The following TRIM14 variants were observed in gnomAD, a reference collection of about 807,000 sequenced individuals.
TRIM14 encodes the protein tripartite motif-containing protein 14.
A neutral mutation model predicts 44.5 loss-of-function variants in TRIM14; 28 were observed. The observed-to-expected ratio is 0.63, with a 90% CI of 0.47 to 0.86. The LOEUF (loss-of-function observed/expected upper bound fraction) is 0.86. TRIM14 is among the 40% of genes least tolerant of loss of function. The pLI, the probability that TRIM14 is intolerant of heterozygous loss-of-function variation, is 0.00. For missense variants in TRIM14, 607 were observed against 611.1 expected (o/e 0.99, Z 0.07); for synonymous variants, 299 against 269.2 (o/e 1.11, Z -1.08).
the TRIM14 span, among the ~76,000 whole-genome samples, chr9:98,051,659 G>C: frequency 3.9e-5 from 6 of 152,106 alleles, no homozygotes; most frequent in Admixed American, 3.9e-4. Context: ...CCATGATGTG[G>C]GTTAAGAGGA....
chr9:98,041,658 A>ATTTTGTT, the TRIM14 span, among the ~76,000 whole-genome samples: 22 of 150,786 alleles, frequency 1.5e-4, no homozygotes, highest in Non-Finnish European at 2.4e-4. Flanking sequence ...CGCCAGGCTA[A>ATTTTGTT]TTTTGTTTTT....
At chr9:98,113,296 T>C (rs1020705869) in intron 1 of TRIM14, among the ~76,000 whole-genome samples, 4 of 152,154 alleles carry the variant, frequency 2.6e-5, no homozygotes, top group Non-Finnish European at 5.9e-5. Context: ...TCGATTATCT[T>C]ATCTTGTGTA....
the TRIM14 span, among the ~76,000 whole-genome samples, chr9:98,063,274 C>T: frequency 2.6e-5 from 4 of 151,888 alleles, no homozygotes; most frequent in Non-Finnish European, 4.4e-5. Context: ...GACAGAGTCT[C>T]ACTGTCTCCC....
At chr9:98,115,781 A>G (rs1193926211) in intron 1 of TRIM14, 1 of 152,246 alleles carries the variant, frequency 6.6e-6, no homozygotes, top group African/African-American at 2.4e-5. Context: ...AGACACTGGT[A>G]ATTTTACCAA....
intron 6 of TRIM14, among the ~76,000 whole-genome samples, chr9:98,078,633 C>T (rs574341782): frequency 2.4e-4 from 36 of 151,758 alleles, no homozygotes; most frequent in African/African-American, 7.7e-4. Flanking sequence ...GTCAGGAGTT[C>T]GAGACTAGCC....
chr9:98,061,969 C>T, the TRIM14 span, among the ~76,000 whole-genome samples: 1 of 151,808 alleles, frequency 6.6e-6, no homozygotes, highest in Non-Finnish European at 1.5e-5. Context: ...CACCTGTAAT[C>T]CCAGAGCTTT....
intron 2 of TRIM14, among the ~76,000 whole-genome samples, chr9:98,107,860 G>T (rs1039010381): frequency 1.3e-5 from 2 of 151,936 alleles, no homozygotes; most frequent in East Asian, 3.9e-4. Context: ...TAGAGATGGG[G>T]TTTCAACATG....
intron 1 of TRIM14, among the ~76,000 whole-genome samples, chr9:98,115,720 T>C (rs1041134942): frequency 6.6e-6 from 1 of 152,212 alleles, no homozygotes; most frequent in Admixed American, 6.5e-5. Context: ...AATATAGTTA[T>C]TTGCATAAGT....
the TRIM14 span, chr9:98,056,801 C>T: frequency 6.2e-7 from 1 of 1,610,906 alleles, no homozygotes; most frequent in South Asian, 1.1e-5. Flanking sequence ...GGACCCCGAG[C>T]CGCTGCAATG....
the TRIM14 span, chr9:98,056,974 G>C: frequency 1.3e-6 from 2 of 1,544,136 alleles, no homozygotes; most frequent in Non-Finnish European, 1.7e-6. Flanking sequence ...CGGGATTCGG[G>C]CGCCGGGAGG....
the TRIM14 span, among the ~76,000 whole-genome samples, chr9:98,053,675 A>C: frequency 6.6e-6 from 1 of 152,102 alleles, no homozygotes; most frequent in South Asian, 2.1e-4. Flanking sequence ...AAGTTGGCTA[A>C]TAAGTTGTTA....
At chr9:98,107,239 A>G (rs1012471257) in intron 2 of TRIM14, among the ~76,000 whole-genome samples, 4 of 152,228 alleles carry the variant, frequency 2.6e-5, no homozygotes, top group African/African-American at 4.8e-5. Context: ...AGTTTCTTAA[A>G]AAACAAAACA....
At chr9:98,077,020 A>G in intron 6 of TRIM14, 1 of 1,600,566 alleles carries the variant, frequency 6.2e-7, no homozygotes, top group South Asian at 1.1e-5. Context: ...CAAAAAAGGT[A>G]AGTGTCTAAT....
chr9:98,108,319 C>A (rs1317682515), intron 2 of TRIM14, among the ~76,000 whole-genome samples: 1 of 152,176 alleles, frequency 6.6e-6, no homozygotes, highest in Non-Finnish European at 1.5e-5. Context: ...CTGTGGGCCG[C>A]ATGTGGCCCA....
At chr9:98,057,367 T>C in the TRIM14 span, among the ~76,000 whole-genome samples, 1 of 152,152 alleles carries the variant, frequency 6.6e-6, no homozygotes, top group Non-Finnish European at 1.5e-5. Flanking sequence ...CAGAGTTACT[T>C]TCAGGAATGA....
chr9:98,074,017 C>T (rs1829470252), intron 6 of TRIM14, among the ~76,000 whole-genome samples: 1 of 151,518 alleles, frequency 6.6e-6, no homozygotes, highest in Non-Finnish European at 1.5e-5. Flanking sequence ...AACTCCTGGG[C>T]TAAAATGATC....
At chr9:98,105,154 C>T (rs930617268) in intron 2 of TRIM14, among the ~76,000 whole-genome samples, 1 of 152,150 alleles carries the variant, frequency 6.6e-6, no homozygotes, top group African/African-American at 2.4e-5. Flanking sequence ...GTGCCTTGAT[C>T]CCAAGCCTTG....
At chr9:98,118,945 AC>A in intron 1 of TRIM14, 36 bp downstream of exon 1, 1 of 1,464,434 alleles carries the variant, frequency 6.8e-7, no homozygotes, top group Non-Finnish European at 9.0e-7. Context: ...GGCTCCCCCA[AC>A]TCCCGCGCGG....
intron 6 of TRIM14, among the ~76,000 whole-genome samples, chr9:98,071,063 C>T (rs995089976): frequency 1.3e-5 from 2 of 151,978 alleles, no homozygotes; most frequent in African/African-American, 2.4e-5. Flanking sequence ...TCTCCCACCT[C>T]GGCCTCCCAA....
Sources: gnomAD v4.1 joint callset for allele counts (sites outside exome capture counted in the v4.1 genomes callset) on GRCh38, gnomAD v4.1.1 for gene constraint, MANE v1.5 for transcripts, NCBI Gene and HGNC (gene_info 2026-07-23, HGNC 2026-07-21) for gene names.